SGK2: variants seen among roughly 807,000 people sequenced by gnomAD.
SGK2 encodes serine/threonine-protein kinase Sgk2.
A neutral mutation model predicts 47.5 loss-of-function variants in SGK2; 36 were observed. The observed-to-expected ratio is 0.76, with a 90% confidence interval of 0.58 to 1.00. The LOEUF (loss-of-function observed/expected upper bound fraction) is 1.00. SGK2 is among the 50% of genes least tolerant of loss of function. SGK2 has a pLI of 0.00. For missense variants in SGK2, 404 were observed against 467.4 expected, an observed-to-expected ratio of 0.86 and a Z score of 1.25; for synonymous variants, 157 against 181.9, an observed-to-expected ratio of 0.86 and a Z score of 1.10.
chr20:43,569,362 C>T lies in SGK2; in HGVS notation c.229-23C>T, dbSNP rs754948548. On this transcript the variant is annotated intron_variant, in intron 5 of 12. Transcript: ENST00000373100. ...AGGCTGTTGTGGGCTGTGACATGGA[C>T]CCCTCTCTTTGTGACTCCACAGCAG... is the stretch of plus-strand genomic sequence containing the variant. The T allele has an allele frequency of 3.7e-6, 6 of 1,612,840 alleles. No individual in the cohort carries two copies. The African/African-American group carries it at 4.0e-5, about 11-fold the overall frequency.
intron 12 of SGK2, chr20:43,583,633 C>G (rs1334834191): frequency 2.0e-6 from 2 of 984,872 alleles, no homozygotes; most frequent in Non-Finnish European, 2.4e-6. Context: ...TTGGTTAGCT[C>G]TTGGTGTATA....
chr20:43,575,728 G>C (rs1980422883), intron 10 of SGK2, among the ~76,000 whole-genome samples: 1 of 152,124 alleles, frequency 6.6e-6, no homozygotes, highest in African/African-American at 2.4e-5. Flanking sequence ...GCATAGCTTG[G>C]TCCCTAGGAA....
intron 8 of SGK2, 85 bp from the exon 9 acceptor site, chr20:43,571,966 G>A (rs1299801501): frequency 2.9e-5 from 26 of 896,620 alleles, no homozygotes; most frequent in Non-Finnish European, 4.3e-5. Flanking sequence ...CTGCCCTGGG[G>A]TGTGGCATCT....
At chr20:43,584,660 G>C (rs568259258) in intron 12 of SGK2, among the ~76,000 whole-genome samples, 192 bp from the exon 13 acceptor site, 2 of 152,314 alleles carry the variant, frequency 1.3e-5, no homozygotes, top group African/African-American at 4.8e-5. Context: ...GACGATTGGT[G>C]TGGAGGCAGA....
chr20:43,585,389 T>C lies in SGK2; in HGVS notation c.*373T>C, dbSNP rs1421486990. ...CTCCACCCAATGACTTCTGCTTCCA[T>C]CTCACTAACCACCCACCCCTACCTG... On this transcript the variant is annotated 3_prime_UTR_variant, in exon 13 of 13. Coordinates refer to ENST00000373100, the MANE Select transcript of SGK2 (RefSeq NM_170693.3). 1 of 170,108 alleles carries C rather than the reference T, an allele frequency of 5.9e-6. No individual in the cohort carries two copies. The highest frequency in any genetic ancestry group is 1.3e-5 in the Non-Finnish European group (1 of 77,936). The allele number at this position is 170,108 out of a possible 1,614,324, so 10.5% of individuals were successfully genotyped here.
intron 12 of SGK2, among the ~76,000 whole-genome samples, chr20:43,584,263 GTCA>G (rs1377285818): frequency 6.6e-6 from 1 of 152,120 alleles, no homozygotes. Flanking sequence ...CTCTGCTTGT[GTCA>G]TATTTGGTAA....
At chr20:43,561,707 T>C (rs1480461322) in intron 1 of SGK2, among the ~76,000 whole-genome samples, 2 of 136,926 alleles carry the variant, frequency 1.5e-5, no homozygotes, top group Non-Finnish European at 3.2e-5. Context: ...ATTTTAATTC[T>C]AGGTGTGTTG....
intron 1 of SGK2, among the ~76,000 whole-genome samples, chr20:43,563,100 C>T (rs1318458115): frequency 2.1e-5 from 3 of 144,630 alleles, no homozygotes; most frequent in Non-Finnish European, 3.0e-5. Context: ...AGCACCACTG[C>T]ACTCCAGCCT....
intron 1 of SGK2, among the ~76,000 whole-genome samples, chr20:43,561,870 T>C (rs1979406731): frequency 6.6e-6 from 1 of 152,004 alleles, no homozygotes; most frequent in African/African-American, 2.4e-5. Flanking sequence ...CAAGTGACAA[T>C]GGGGGCTCAG....
chr20:43,567,700 T>C lies in SGK2; in HGVS notation c.122T>C (p.Ile41Thr). ...ACGGACTTCGACTTCCTCAAAGTCA[T>C]CGGCAAAGGGAACTACGGGAAGGTG... ...QPTDFDFLKVIGKGNYGKVLL... is the reference protein window; with the variant it reads ...QPTDFDFLKVTGKGNYGKVLL... The change falls in exon 4 of 13, where the codon ATC becomes ACC. Residue 41 changes from isoleucine to threonine, a missense_variant. Ile to Thr is a moderately conservative substitution (Grantham distance 89). Coordinates refer to ENST00000373100, the MANE Select transcript of SGK2 (RefSeq NM_170693.3). 1 of 1,614,160 alleles carries C rather than the reference T, an allele frequency of 6.2e-7. No individual in the cohort carries two copies. Among genetic ancestry groups the C allele is most frequent in the Non-Finnish European group, 8.5e-7 (1 of 1,180,026 alleles).
Position 43,575,413 on chromosome 20 carries a change from G to A in SGK2, c.693+409G>A, listed in dbSNP as rs150735230. On this transcript the variant is annotated intron_variant, in intron 10 of 12. Coordinates refer to ENST00000373100, the MANE Select transcript of SGK2 (RefSeq NM_170693.3). ...TGGGAGGCAGGGGCTGCAGTGAACC[G>A]CGGTCGCACCACCGCATATCCAGTC... is the stretch of plus-strand genomic sequence containing the variant. 8.7e-3 allele frequency among the ~76,000 whole-genome samples: 1,304 copies of A among 150,730 alleles called. 18 individuals carry two copies. Among genetic ancestry groups the A allele is most frequent in the Middle Eastern group, 0.044 (13 of 294 alleles).
Position 43,566,642 on chromosome 20 carries a change from C to T in SGK2, c.36+111C>T, listed in dbSNP as rs949122589. On this transcript the variant is annotated intron_variant, in intron 2 of 12. Transcript: ENST00000373100. ...GGGGCTGAGAGGGTTACTGCGAGCACATAGAAATGAGCCACTTGCAGGGTG... is the reference window on the plus strand; with the variant it reads ...GGGGCTGAGAGGGTTACTGCGAGCATATAGAAATGAGCCACTTGCAGGGTG... 9 of 728,694 alleles carry T rather than the reference C, an allele frequency of 1.2e-5. No individual in the cohort carries two copies. In the African/African-American group the frequency reaches 1.2e-4, roughly 10 times the overall value. The allele number at this position is 728,694 out of a possible 1,614,324, so 45.1% of individuals were successfully genotyped here. A position where few individuals can be genotyped will look rare whatever the true frequency, so the allele number is the denominator to read the frequency against.
chr20:43,566,156 G>T, intron 1 of SGK2: 1 of 579,986 alleles, frequency 1.7e-6, no homozygotes, highest in African/African-American at 1.8e-5. Context: ...TTGGACTTCT[G>T]GAGCTACCCT....
Position 43,580,033 on chromosome 20 carries a change from G to C in SGK2, c.911G>C (p.Arg304Thr). The part of the protein sequence containing the change: ...PINWDDLYHK[R>T]LTPPFNPNVT... ...AACTGGGATGACCTGTACCACAAGA[G>C]GCTAACTCCACCCTTCAACCCAAAT... The change falls in exon 12 of 13, where the codon AGG (arginine) becomes ACG (threonine). Residue 304 changes from arginine (R) to threonine (T), a missense_variant. Transcript: ENST00000373100. 6.2e-7 allele frequency: 1 copy of C among 1,607,656 alleles called. No individual in the cohort carries two copies. The highest frequency in any genetic ancestry group is 8.5e-7 in the Non-Finnish European group (1 of 1,176,990).
Position 43,569,459 on chromosome 20 carries a change from CT to C in SGK2, c.304del (p.Ser102ProfsTer59). On this transcript the variant is annotated frameshift_variant, in exon 6 of 13. Coordinates refer to ENST00000373100, the MANE Select transcript of SGK2 (RefSeq NM_170693.3). LOFTEE classifies it high-confidence loss of function. ...RHPFLVGLRY[S>X]FQTPEKLYFV... The stretch of plus-strand genomic sequence containing the variant: ...ACCCCTTCCTCGTGGGCCTGCGCTA[CT>C]CCTTCCAGACACCTGAGAAGCTCTA... The C allele has an allele frequency of 6.2e-7, 1 of 1,613,906 alleles. No homozygotes were observed. Among genetic ancestry groups the C allele is most frequent in the Non-Finnish European group, 8.5e-7 (1 of 1,180,022 alleles).
intron 2 of SGK2, 39 bp downstream of exon 2, chr20:43,566,570 C>G (rs751997560): frequency 7.1e-7 from 1 of 1,399,626 alleles, no homozygotes; most frequent in Non-Finnish European, 1.0e-6. Flanking sequence ...ATCGGGGGCT[C>G]ACTTCTTCCC....
At chr20:43,580,573 C>A (rs1415063327) in intron 12 of SGK2, among the ~76,000 whole-genome samples, 1 of 151,424 alleles carries the variant, frequency 6.6e-6, no homozygotes, top group African/African-American at 2.4e-5. Context: ...ACTAAAAATA[C>A]AAAAATTAGC....
At position 43,579,965 on chromosome 20, in the gene SGK2, C is replaced by T. The variant is rs368501749; in HGVS notation, c.850-7C>T. ...TAACCAGAACCTTTTTTCTGCACTTCCTGCAGCTTGAGATTAAGAACCATG... is the reference window on the plus strand; with the variant it reads ...TAACCAGAACCTTTTTTCTGCACTTTCTGCAGCTTGAGATTAAGAACCATG... On this transcript the variant is annotated splice_region_variant and splice_polypyrimidine_tract_variant and intron_variant, in intron 11 of 12. Coordinates refer to ENST00000373100, the MANE Select transcript of SGK2 (RefSeq NM_170693.3). The T allele has an allele frequency of 1.9e-5, 31 of 1,609,590 alleles. No homozygotes were observed. The highest frequency in any genetic ancestry group is 2.6e-5 in the Non-Finnish European group (31 of 1,176,052).
At chr20:43,568,029 C>A in intron 5 of SGK2, 30 bp downstream of exon 5, 1 of 1,589,010 alleles carries the variant, frequency 6.3e-7, no homozygotes. Flanking sequence ...GGCATTTCTT[C>A]TTCTGCTTCT....
Sources: gnomAD v4.1 joint callset for allele counts (sites outside exome capture counted in the v4.1 genomes callset) on GRCh38, gnomAD v4.1.1 for gene constraint, MANE v1.5 for transcripts, NCBI Gene and HGNC (gene_info 2026-07-23, HGNC 2026-07-21) for gene names.